PTPRN2: variants seen among roughly 807,000 people sequenced by gnomAD.
PTPRN2 encodes protein tyrosine phosphatase receptor type N2, also known as receptor-type tyrosine-protein phosphatase N2.
A neutral mutation model predicts 118.8 loss-of-function variants in PTPRN2; 74 were observed. The ratio of observed to expected loss-of-function variants is 0.62; its 90% CI spans 0.52 to 0.76. The LOEUF is 0.76. Ranked by LOEUF, PTPRN2 falls within the 30% of genes least tolerant of loss-of-function variation. The pLI is 0.00. For synonymous variants in PTPRN2, 641 were observed against 608.0 expected (o/e 1.05, Z -0.80); for missense variants, 1,481 against 1,394.4 (o/e 1.06, Z -0.99).
intron 12 of PTPRN2, among the ~76,000 whole-genome samples, chr7:157,771,248 G>C (rs1228793559): frequency 6.6e-6 from 1 of 152,244 alleles, no homozygotes; most frequent in Non-Finnish European, 1.5e-5. Context: ...CACTCCAGCT[G>C]ATGCCAGTGG....
intron 14 of PTPRN2, among the ~76,000 whole-genome samples, chr7:157,624,314 G>A (rs1203821391): frequency 3.3e-5 from 5 of 152,136 alleles, no homozygotes; most frequent in South Asian, 2.1e-4. Flanking sequence ...CCAACTACTC[G>A]GGAGACTGAG....
chr7:157,735,667 A>C (rs1038902310), intron 12 of PTPRN2, among the ~76,000 whole-genome samples: 4 of 152,242 alleles, frequency 2.6e-5, no homozygotes, highest in African/African-American at 9.6e-5. Flanking sequence ...AAATGACAGA[A>C]CATGACTCGC....
In PTPRN2 at chr7:158,263,856, C is replaced by G. The variant is rs77670071; in HGVS notation, c.277+52963G>C. Among the ~76,000 whole-genome samples the G allele has an allele frequency of 9.2e-3, 1,398 of 152,300 alleles. 24 individuals are homozygous for G. Among genetic ancestry groups the G allele is most frequent in the African/African-American group, 0.032 (1,321 of 41,564 alleles). On this transcript the variant is annotated intron_variant, in intron 3 of 22. Transcript: ENST00000389418. Reference sequence around the variant, plus strand: ...AAATGTGAAAGCAAGGCTGCAATGACGGCCGAGCCAGAGAGCAGCACCTCC... The same window carrying G: ...AAATGTGAAAGCAAGGCTGCAATGAGGGCCGAGCCAGAGAGCAGCACCTCC...
At chr7:157,955,665 T>C (rs1801136302) in intron 11 of PTPRN2, among the ~76,000 whole-genome samples, 1 of 152,162 alleles carries the variant, frequency 6.6e-6, no homozygotes, top group Non-Finnish European at 1.5e-5. Context: ...TGGTTTTAAG[T>C]GGCAGGGCAC....
intron 4 of PTPRN2, among the ~76,000 whole-genome samples, chr7:158,202,966 G>C (rs112850367): frequency 6.6e-6 from 1 of 152,078 alleles, no homozygotes; most frequent in Non-Finnish European, 1.5e-5. Flanking sequence ...AGATGTGGTG[G>C]CTCATGCCTG....
intron 3 of PTPRN2, among the ~76,000 whole-genome samples, chr7:158,291,545 A>G (rs920432019): frequency 3.9e-5 from 6 of 152,198 alleles, no homozygotes; most frequent in Middle Eastern, 3.2e-3. Flanking sequence ...TTGTCTTTAA[A>G]GTTAAGATTC....
intron 12 of PTPRN2, among the ~76,000 whole-genome samples, chr7:157,776,289 G>C (rs1361581409): frequency 3.5e-4 from 28 of 78,890 alleles, no homozygotes; most frequent in Admixed American, 5.9e-4. Context: ...CCTCCTCCCT[G>C]TCCTCCTTCT....
chr7:158,247,993 C>T (rs941855269), intron 3 of PTPRN2, among the ~76,000 whole-genome samples: 24 of 152,150 alleles, frequency 1.6e-4, no homozygotes, highest in Non-Finnish European at 2.6e-4. Context: ...GCCTTTATCC[C>T]CCCATTATTA....
chr7:157,831,193 A>G lies in PTPRN2; in HGVS notation c.1788+67480T>C, dbSNP rs1267791732. Reference sequence around the variant, plus strand: ...GCTGTGAGCCCAGCTGTGGGGAGGAACTGCTCGGGCCCTGCAGCATCTTAC... The same window carrying G: ...GCTGTGAGCCCAGCTGTGGGGAGGAGCTGCTCGGGCCCTGCAGCATCTTAC... On this transcript the variant is annotated intron_variant, in intron 12 of 22. Transcript: ENST00000389418. This position sits in a 1 kb window ranked among gnomAD's most constrained non-coding sequence, Gnocchi z 4.8. Among the ~76,000 whole-genome samples the G allele has an allele frequency of 6.6e-6, 1 of 152,174 alleles. No individual in the cohort carries two copies. Among genetic ancestry groups the G allele is most frequent in the Admixed American group, 6.5e-5 (1 of 15,284 alleles).
At chr7:157,810,283 G>A (rs1805907818) in intron 12 of PTPRN2, among the ~76,000 whole-genome samples, 1 of 152,262 alleles carries the variant, frequency 6.6e-6, no homozygotes, top group South Asian at 2.1e-4. Flanking sequence ...TGATCCCAAA[G>A]CAGCGATCTA....
intron 12 of PTPRN2, among the ~76,000 whole-genome samples, chr7:157,719,065 C>T (rs2150909259): frequency 6.6e-6 from 1 of 152,338 alleles, no homozygotes; most frequent in East Asian, 1.9e-4. Context: ...GAGCGTGTTC[C>T]CCAGTGCATG....
intron 2 of PTPRN2, among the ~76,000 whole-genome samples, chr7:158,363,626 C>A (rs1173349113): frequency 6.6e-6 from 1 of 152,192 alleles, no homozygotes; most frequent in Non-Finnish European, 1.5e-5. Flanking sequence ...ACCGCGCATG[C>A]TGATACAGTG....
rs142067340 is a variant in PTPRN2 at position 158,432,770 on chromosome 7, C to T, written c.163+56965G>A. 1.7e-3 allele frequency among the ~76,000 whole-genome samples: 258 copies of T among 152,276 alleles called. 2 individuals carry two copies. The highest frequency in any genetic ancestry group is 1.3e-3 in the Non-Finnish European group (89 of 68,024). Reference sequence around the variant, plus strand: ...GGCCAGCTCAGAACAGATGCAACCCCCATAAAACAGAGCTTAAGACAACCT... The same window carrying T: ...GGCCAGCTCAGAACAGATGCAACCCTCATAAAACAGAGCTTAAGACAACCT... On this transcript the variant is annotated intron_variant, in intron 2 of 22. Coordinates refer to ENST00000389418, the MANE Select transcript of PTPRN2 (RefSeq NM_002847.5).
At chr7:157,819,190 C>T (rs771957494) in intron 12 of PTPRN2, among the ~76,000 whole-genome samples, 9 of 152,198 alleles carry the variant, frequency 5.9e-5, no homozygotes, top group Non-Finnish European at 1.2e-4. Context: ...GCCCAGGGCT[C>T]TGCTGCCTGG....
intron 12 of PTPRN2, among the ~76,000 whole-genome samples, chr7:157,871,641 G>T (rs1446383356): frequency 6.6e-6 from 1 of 151,846 alleles, no homozygotes; most frequent in South Asian, 2.1e-4. Flanking sequence ...AAAGGCTTGA[G>T]GTACAGTATT....
At chr7:158,023,296 C>T (rs942329688) in intron 11 of PTPRN2, among the ~76,000 whole-genome samples, 4 of 152,078 alleles carry the variant, frequency 2.6e-5, no homozygotes, top group African/African-American at 9.7e-5. Flanking sequence ...TGACAGACAG[C>T]TCTCTCAGAC....
At chr7:157,948,359 A>C (rs1402197390) in intron 11 of PTPRN2, among the ~76,000 whole-genome samples, 4 of 152,354 alleles carry the variant, frequency 2.6e-5, no homozygotes, top group African/African-American at 9.6e-5. Context: ...TTTGAAGCTA[A>C]GTTGGTATAA....
intron 2 of PTPRN2, among the ~76,000 whole-genome samples, chr7:158,337,716 G>C (rs376832517): frequency 1.5e-5 from 2 of 131,540 alleles, no homozygotes; most frequent in Non-Finnish European, 3.2e-5. Context: ...AAGAGCTGAC[G>C]CCCGCAGACG....
At chr7:158,304,045 G>A (rs1300252904) in intron 3 of PTPRN2, among the ~76,000 whole-genome samples, 1 of 152,248 alleles carries the variant, frequency 6.6e-6, no homozygotes, top group Non-Finnish European at 1.5e-5. Context: ...CACAGGCTTG[G>A]ATTTCTACAT....
Sources: allele counts gnomAD v4.1 joint callset (sites outside exome capture counted in the v4.1 genomes callset), GRCh38; gene constraint gnomAD v4.1.1; non-coding constraint Gnocchi (gnomAD v3.1); transcripts MANE v1.5; gene names NCBI Gene and HGNC (gene_info 2026-07-23, HGNC 2026-07-21).